The following WASHC2A variants were observed in gnomAD, a reference collection of about 807,000 sequenced individuals.
WASHC2A encodes WASH complex subunit FAM21A.
Under a neutral mutation model 140.3 loss-of-function variants are expected in WASHC2A, and 82 were observed. The ratio of observed to expected loss-of-function variants is 0.58; its 90% CI spans 0.49 to 0.70. The LOEUF is 0.70. Among genes scored for constraint, WASHC2A ranks in the 30% least tolerant of loss-of-function variants. WASHC2A has a pLI of 0.00. For synonymous variants in WASHC2A, 340 were observed against 560.8 expected, an observed-to-expected ratio of 0.61 and a Z score of 5.56; for missense variants, 985 against 1,521.8, an observed-to-expected ratio of 0.65 and a Z score of 5.87.
chr10:50,098,249 C>T (rs1335722042), intron 16 of WASHC2A, among the ~76,000 whole-genome samples: 1 of 151,900 alleles, frequency 6.6e-6, no homozygotes, highest in African/African-American at 2.4e-5. Context: ...TCCAGTTGCC[C>T]CAGAATGTCT....
At position 50,126,327 on chromosome 10, in the gene WASHC2A, C is replaced by T. The variant is rs1252174896; in HGVS notation, c.2811+148C>T. The T allele has an allele frequency of 4.3e-6, 6 of 1,398,648 alleles. No individual in the cohort carries two copies. The African/African-American group carries it at 8.6e-5, about 20-fold the overall frequency. 86.6% of individuals were successfully genotyped at this position (1,398,648 alleles called of 1,614,324 possible). ...ACCGCTTTGTCTTCACTGCACTCCC[C>T]CCAAGTCATCTCCCCTCTCCTCGCT... On this transcript the variant is annotated intron_variant, in intron 26 of 30. Coordinates refer to ENST00000282633, the MANE Select transcript of WASHC2A (RefSeq NM_001005751.3).
chr10:50,127,980 C>T lies in WASHC2A; in HGVS notation c.3087+185C>T, dbSNP rs1350688221. Among the ~76,000 whole-genome samples the T allele has an allele frequency of 1.1e-3, 164 of 152,110 alleles. 3 individuals are homozygous for T. Among genetic ancestry groups the T allele is most frequent in the East Asian group, 9.7e-4 (5 of 5,180 alleles). Reference sequence around the variant, plus strand: ...CCCCCTCATCCTGCACCTGCTTTTCCGTGGCCTGCATTTGGTACATTTGCA... The same window carrying T: ...CCCCCTCATCCTGCACCTGCTTTTCTGTGGCCTGCATTTGGTACATTTGCA... On this transcript the variant is annotated intron_variant, in intron 28 of 30. Coordinates refer to ENST00000282633, the MANE Select transcript of WASHC2A (RefSeq NM_001005751.3).
rs1365916231 is a variant in WASHC2A at position 50,104,711 on chromosome 10, C to T, written c.1737+568C>T. Among the ~76,000 whole-genome samples, 109 of 151,454 alleles carry T rather than the reference C, an allele frequency of 7.2e-4. No individual in the cohort carries two copies. The Middle Eastern group carries it at 0.01, about 14-fold the overall frequency. On this transcript the variant is annotated intron_variant, in intron 18 of 30. Coordinates refer to ENST00000282633, the MANE Select transcript of WASHC2A (RefSeq NM_001005751.3). ...TACAGGTTTTATTTTTAGAAATCTG[C>T]CTTTGAGAAATACAATTGACCCTTT... is the stretch of plus-strand genomic sequence containing the variant.
At chr10:50,073,300 A>C (rs1554876854) in intron 3 of WASHC2A, among the ~76,000 whole-genome samples, 1 of 152,142 alleles carries the variant, frequency 6.6e-6, no homozygotes, top group African/African-American at 2.4e-5. Flanking sequence ...AAAATTCCAG[A>C]ATGAAACAAA....
rs1037085618 is a variant in WASHC2A at position 50,133,189 on chromosome 10, C to T, written c.*244C>T. ...TTAAACCACAGTTTGATTTAGTTAG[C>T]CTTGCTGGGGCCATAATATGCTTCA... is the stretch of plus-strand genomic sequence containing the variant. On this transcript the variant is annotated 3_prime_UTR_variant, in exon 31 of 31. Coordinates refer to ENST00000282633, the MANE Select transcript of WASHC2A (RefSeq NM_001005751.3). 3.2e-6 allele frequency: 2 copies of T among 618,944 alleles called. No homozygotes were observed. Among genetic ancestry groups the T allele is most frequent in the Non-Finnish European group, 5.8e-6 (2 of 345,464 alleles). The allele number at this position is 618,944 out of a possible 1,614,324, so 38.3% of individuals were successfully genotyped here. A position where few individuals can be genotyped will look rare whatever the true frequency, so the allele number is the denominator to read the frequency against.
chr10:50,126,280 G>A, intron 26 of WASHC2A, 101 bp downstream of exon 26: 3 of 1,604,118 alleles, frequency 1.9e-6, no homozygotes, highest in Non-Finnish European at 2.6e-6. Context: ...TCTGCATTAA[G>A]GAGGAAACAG....
intron 14 of WASHC2A, among the ~76,000 whole-genome samples, 167 bp from the exon 15 acceptor site, chr10:50,095,432 G>A (rs1345219387): frequency 8.5e-5 from 13 of 152,246 alleles, no homozygotes; most frequent in African/African-American, 2.6e-4. Context: ...GTGATTCTCC[G>A]TTGTGAGATG....
intron 8 of WASHC2A, 104 bp downstream of exon 8, chr10:50,087,426 T>G (rs1178660484): frequency 6.8e-7 from 1 of 1,481,370 alleles, no homozygotes; most frequent in African/African-American, 1.4e-5. Flanking sequence ...TGAGGATTTT[T>G]TCTTGTATAC....
At chr10:50,076,287 A>G (rs1370586623) in intron 3 of WASHC2A, among the ~76,000 whole-genome samples, 2 of 152,158 alleles carry the variant, frequency 1.3e-5, no homozygotes, top group East Asian at 1.9e-4. Flanking sequence ...ATCTTACTAT[A>G]TTGTGCCACA....
At chr10:50,124,262 C>T (rs2133049739) in intron 23 of WASHC2A, among the ~76,000 whole-genome samples, 1 of 151,812 alleles carries the variant, frequency 6.6e-6, no homozygotes, top group East Asian at 1.9e-4. Flanking sequence ...CGCCACCACA[C>T]CCGGCTGATC....
In WASHC2A at chr10:50,081,598, C is replaced by T. The variant is rs1330235212; in HGVS notation, c.528+667C>T. On this transcript the variant is annotated intron_variant, in intron 5 of 30. Transcript: ENST00000282633. The stretch of plus-strand genomic sequence containing the variant: ...ATTTATAGAAAGAGGCCTTGTGACA[C>T]ACAAGGCCTTCCGAATTAAAACATG... 4.1e-5 allele frequency among the ~76,000 whole-genome samples: 6 copies of T among 145,706 alleles called. No homozygotes were observed. The South Asian group carries it at 6.8e-4, about 17-fold the overall frequency.
chr10:50,131,447 G>A (rs1265558254), intron 30 of WASHC2A, among the ~76,000 whole-genome samples: 8 of 152,220 alleles, frequency 5.3e-5, no homozygotes, highest in Non-Finnish European at 8.8e-5. Context: ...GTGTGATGTG[G>A]TTGGTTGAGT....
intron 3 of WASHC2A, 176 bp from the exon 4 acceptor site, chr10:50,078,499 T>G (rs1838578561): frequency 1.2e-6 from 1 of 852,966 alleles, no homozygotes; most frequent in African/African-American, 1.8e-5. Flanking sequence ...GACTATTCTT[T>G]GCTGTTTGTC....
chr10:50,068,465 C>G (rs1344002514), intron 2 of WASHC2A, among the ~76,000 whole-genome samples: 1 of 151,670 alleles, frequency 6.6e-6, no homozygotes, highest in African/African-American at 2.4e-5. Context: ...TCTGGCTCAG[C>G]TCCATCCGGA....
At chr10:50,117,697 G>A (rs1554892322) in intron 21 of WASHC2A, among the ~76,000 whole-genome samples, 1 of 132,880 alleles carries the variant, frequency 7.5e-6, no homozygotes, top group African/African-American at 2.6e-5. Context: ...CAGGTGATGT[G>A]GTGGCGTGAA....
rs1419038508 is a variant in WASHC2A, at chr10:50,124,637, A to G, written c.2479-476A>G. Among the ~76,000 whole-genome samples, 15 of 152,276 alleles carry G rather than the reference A, an allele frequency of 9.9e-5. 1 individual carries two copies. The highest frequency in any genetic ancestry group is 3.1e-4 in the African/African-American group (13 of 41,574). On this transcript the variant is annotated intron_variant, in intron 23 of 30. Transcript: ENST00000282633. Reference sequence around the variant, plus strand: ...GCCAGGTCTTTGGCCTGCAGTGCTTACAGGTGAGGGACACATACTTGACCA... The same window carrying G: ...GCCAGGTCTTTGGCCTGCAGTGCTTGCAGGTGAGGGACACATACTTGACCA...
chr10:50,117,974 T>C lies in WASHC2A; in HGVS notation c.2211T>C (p.Leu737=). The change falls in exon 22 of 31, where the codon CTT becomes CTC. Residue 737 remains leucine (L), a synonymous_variant. Coordinates refer to ENST00000282633, the MANE Select transcript of WASHC2A (RefSeq NM_001005751.3). ...ATGAAGAAGAGAAGGAGGCACAACT[T>C]GGAGTGAAGTCTGTGGATAAGAAGG... is the stretch of plus-strand genomic sequence containing the variant. ...FSDEEEKEAQ[L]GVKSVDKKVE... The C allele has an allele frequency of 6.3e-7, 1 of 1,586,482 alleles. No homozygotes were observed. The highest frequency in any genetic ancestry group is 8.6e-7 in the Non-Finnish European group (1 of 1,159,726).
rs564989375 is a variant in WASHC2A, at chr10:50,104,110, G to A, written c.1704G>A (p.Thr568=). Residue 568 remains threonine, a synonymous_variant, in exon 18 of 31, where the codon ACG becomes ACA. Coordinates refer to ENST00000282633, the MANE Select transcript of WASHC2A (RefSeq NM_001005751.3). ...CTCTGCTGCCTGGCAAGCTCCCCAC[G>A]TTGGTTTCCCTGTTTGATGATGAAG... ...GASLLPGKLP[T]LVSLFDDEDE... is the part of the protein sequence containing the mutation. 23 of 1,455,370 alleles carry A rather than the reference G, an allele frequency of 1.6e-5. 3 individuals are homozygous for A. The highest frequency in any genetic ancestry group is 1.2e-4 in the African/African-American group (9 of 72,334). 90.2% of individuals were successfully genotyped at this position (1,455,370 alleles called of 1,614,324 possible).
intron 13 of WASHC2A, among the ~76,000 whole-genome samples, chr10:50,094,791 C>A (rs1182594245): frequency 3.2e-4 from 49 of 151,038 alleles, no homozygotes; most frequent in African/African-American, 1.1e-3. Flanking sequence ...TCATTCTCAT[C>A]CAACTGGAAT....
Sources: allele counts gnomAD v4.1 joint callset (sites outside exome capture counted in the v4.1 genomes callset), GRCh38; gene constraint gnomAD v4.1.1; transcripts MANE v1.5; gene names NCBI Gene and HGNC (gene_info 2026-07-23, HGNC 2026-07-21).